Variants in SALL1 observed in about 807,000 individuals in gnomAD.
SALL1 encodes sal-like protein 1.
A neutral mutation model predicts 73.1 loss-of-function variants in SALL1; 10 were observed. The observed-to-expected ratio is 0.14, with a 90% CI of 0.08 to 0.23. The LOEUF (loss-of-function observed/expected upper bound fraction) is 0.23. Ranked by LOEUF, SALL1 falls within the 10% of genes least tolerant of loss-of-function variation. SALL1 has a pLI of 1.00. For missense variants in SALL1, 1,520 were observed against 1,697.3 expected (o/e 0.90, Z 1.84); for synonymous variants, 688 against 689.8 (o/e 1.00, Z 0.04).
At position 51,140,752 on chromosome 16, in the gene SALL1, C is replaced by G. The variant is rs1962409241; in HGVS notation, c.1470G>C (p.Gly490=). The G allele has an allele frequency of 3.1e-6, 5 of 1,614,168 alleles. No individual in the cohort carries two copies. The highest frequency in any genetic ancestry group is 3.4e-6 in the Non-Finnish European group (4 of 1,180,042). ...NICGNRFSTK[G]NLKVHFQRHK... is the part of the protein sequence containing the mutation. ...GGCGCTGAAAGTGGACTTTCAGATT[C>G]CCCTTGGTGGAGAACCTGTTCCCGC... Residue 490 remains glycine (G), a synonymous_variant, in exon 2 of 3, where the codon GGG becomes GGC. Transcript: ENST00000251020. This position sits in a 1 kb window ranked among gnomAD's most constrained non-coding sequence, Gnocchi z 5.7.
chr16:51,146,806 C>A (rs1467925402), intron 1 of SALL1, among the ~76,000 whole-genome samples: 1 of 152,076 alleles, frequency 6.6e-6, no homozygotes, highest in African/African-American at 2.4e-5. Context: ...GGCACATAAA[C>A]TTTTTTCTTT....
At chr16:51,142,750 A>G (rs1457785692) in intron 1 of SALL1, among the ~76,000 whole-genome samples, 2 of 152,220 alleles carry the variant, frequency 1.3e-5, no homozygotes, top group African/African-American at 2.4e-5. Context: ...CATCAGTAAC[A>G]AATCCTCCAG....
chr16:51,138,286 G>A (rs1962347953), intron 2 of SALL1, among the ~76,000 whole-genome samples: 3 of 152,124 alleles, frequency 2.0e-5, no homozygotes, highest in Admixed American at 1.3e-4. Context: ...TACATACGCC[G>A]AGAACCCTAA....
chr16:51,137,047 G>T lies in SALL1; in HGVS notation c.*65C>A. Reference sequence around the variant, plus strand: ...GGCGGGGCGGGGTGGGGGGCAAGGAGTAGGAGGCCACCATAGGTCGCATTC... The same window carrying T: ...GGCGGGGCGGGGTGGGGGGCAAGGATTAGGAGGCCACCATAGGTCGCATTC... On this transcript the variant is annotated 3_prime_UTR_variant, in exon 3 of 3. Transcript: ENST00000251020. 1.3e-6 allele frequency: 2 copies of T among 1,501,910 alleles called. No homozygotes were observed. The highest frequency in any genetic ancestry group is 9.2e-7 in the Non-Finnish European group (1 of 1,086,068). 93.0% of individuals were successfully genotyped at this position (1,501,910 alleles called of 1,614,324 possible). A position where few individuals can be genotyped will look rare whatever the true frequency, so the allele number is the denominator to read the frequency against.
At chr16:51,143,350 G>A in intron 1 of SALL1, 1 of 429,504 alleles carries the variant, frequency 2.3e-6, no homozygotes, top group Non-Finnish European at 4.7e-6. Flanking sequence ...CCCATTGTTT[G>A]CCCAGCATGG....
Position 51,140,453 on chromosome 16 carries a change from G to A in SALL1, c.1769C>T (p.Ser590Leu). The change falls in exon 2 of 3, where the codon TCA (serine) becomes TTA (leucine). Residue 590 changes from serine (S) to leucine (L), a missense_variant. Around this residue, in one of 7 missense-constraint regions of SALL1, gnomAD observed 276 missense variants for 259.1 expected, o/e 1.07. Coordinates refer to ENST00000251020, the MANE Select transcript of SALL1 (RefSeq NM_002968.3). This position sits in a 1 kb window ranked among gnomAD's most constrained non-coding sequence, Gnocchi z 5.7. The stretch of plus-strand genomic sequence containing the variant: ...AGGGCCCCCGGAGTCACTTTTGACT[G>A]AGCCTGGGGGGCTGGTGGCAGAATG... The part of the protein sequence containing the change: ...ISHSATSPPG[S>L]VKSDSGGPES... 1 of 1,613,816 alleles carries A rather than the reference G, an allele frequency of 6.2e-7. No individual in the cohort carries two copies. Among genetic ancestry groups the A allele is most frequent in the Non-Finnish European group, 8.5e-7 (1 of 1,179,796 alleles).
upstream of SALL1, chr16:51,151,339 C>T (rs957071393): frequency 1.5e-5 from 12 of 824,532 alleles, no homozygotes; most frequent in African/African-American, 1.8e-5. Context: ...GGCGGCTCCC[C>T]CCGCCCGCCG....
rs760757150 is a variant in SALL1, at chr16:51,140,192, C to G, written c.2030G>C (p.Gly677Ala). Reference sequence around the variant, plus strand: ...TGCCTGAGCTGAGTCCAGGAGTCCCCCAAAAGGAAACTTGGCCTTGAACTG... The same window carrying G: ...TGCCTGAGCTGAGTCCAGGAGTCCCGCAAAAGGAAACTTGGCCTTGAACTG... ...SEQFKAKFPFGGLLDSAQASE... is the reference protein window; with the variant it reads ...SEQFKAKFPFAGLLDSAQASE... The change falls in exon 2 of 3, where the codon GGG (glycine) becomes GCG (alanine). Residue 677 changes from glycine to alanine, a missense_variant. Coordinates refer to ENST00000251020, the MANE Select transcript of SALL1 (RefSeq NM_002968.3). This position sits in a 1 kb window ranked among gnomAD's most constrained non-coding sequence, Gnocchi z 5.7. 12 of 1,613,984 alleles carry G rather than the reference C, an allele frequency of 7.4e-6. No homozygotes were observed. The Admixed American group carries it at 1.7e-4, about 22-fold the overall frequency.
chr16:51,149,403 AAAGAT>A (rs2143473673), intron 1 of SALL1: 1 of 152,314 alleles, frequency 6.6e-6, no homozygotes, highest in South Asian at 2.1e-4. Flanking sequence ...AAACTTTAGG[AAAGAT>A]GAGTGTGACT....
In SALL1 at chr16:51,136,086, T is replaced by A. The variant is rs968786478; in HGVS notation, c.*1026A>T. ...AATGTTAAAGAAATTGGACCCCCCC[T>A]TTCCTTTCAACTTTCCAAGAAAGTG... On this transcript the variant is annotated 3_prime_UTR_variant, in exon 3 of 3. Transcript: ENST00000251020. 3 of 152,658 alleles carry A rather than the reference T, an allele frequency of 2.0e-5. No individual in the cohort carries two copies. The highest frequency in any genetic ancestry group is 7.2e-5 in the African/African-American group (3 of 41,462). 9.5% of individuals were successfully genotyped at this position (152,658 alleles called of 1,614,324 possible).
chr16:51,137,327 C>T lies in SALL1; in HGVS notation c.3760G>A (p.Val1254Ile), dbSNP rs755542004. The T allele has an allele frequency of 8.7e-6, 14 of 1,613,966 alleles. No individual in the cohort carries two copies. Among genetic ancestry groups the T allele is most frequent in the Admixed American group, 1.7e-5 (1 of 59,992 alleles). Residue 1254 changes from valine to isoleucine, a missense_variant, in exon 3 of 3, where the codon GTC (valine) becomes ATC (isoleucine). By Grantham distance (29) the Val-to-Ile change is conservative. This residue lies in a region of SALL1 where 318 missense variants were observed against 357.1 expected (regional missense o/e 0.89). Transcript: ENST00000251020. Reference sequence around the variant, plus strand: ...GGAGGGATGCCACCGTTCTGAATGACGGAGATCTCGTTGGCCTTCATCGCC... The same window carrying T: ...GGAGGGATGCCACCGTTCTGAATGATGGAGATCTCGTTGGCCTTCATCGCC... ...GLAMKANEIS[V>I]IQNGGIPPIP...
intron 1 of SALL1, among the ~76,000 whole-genome samples, chr16:51,150,005 C>T (rs1962573208): frequency 6.6e-6 from 1 of 152,114 alleles, no homozygotes. Flanking sequence ...AGCATCGTGC[C>T]GGGACGACCC....
chr16:51,148,392 C>A (rs1453114835), intron 1 of SALL1, among the ~76,000 whole-genome samples: 1 of 152,172 alleles, frequency 6.6e-6, no homozygotes, highest in African/African-American at 2.4e-5. Context: ...ATGAGAAGTG[C>A]ATGAACTAGA....
Position 51,139,357 on chromosome 16 carries a change from C to G in SALL1, c.2865G>C (p.Glu955Asp). ...GGGTGGGAGACAAACCATTGGCAAA[C>G]TCGCTTGGGACCGCTCTCTGTGGTT... ...EEKPQRAVPS[E>D]FANGLSPTPV... The change falls in exon 2 of 3, where the codon GAG (glutamate) becomes GAC (aspartate). Residue 955 changes from glutamate (E) to aspartate (D), a missense_variant. By Grantham distance (45) the Glu-to-Asp change is conservative. Around this residue, in one of 7 missense-constraint regions of SALL1, gnomAD observed 266 missense variants for 275.1 expected, o/e 0.97. Transcript: ENST00000251020. 6.2e-7 allele frequency: 1 copy of G among 1,614,156 alleles called. No homozygotes were observed. The highest frequency in any genetic ancestry group is 1.1e-5 in the South Asian group (1 of 91,078).
chr16:51,151,029 G>A, intron 1 of SALL1, 137 bp downstream of exon 1: 3 of 478,524 alleles, frequency 6.3e-6, no homozygotes, highest in Non-Finnish European at 1.1e-5. Context: ...AAAAAATTAC[G>A]CCGAGTGGAA....
chr16:51,141,832 C>G lies in SALL1; in HGVS notation c.390G>C (p.Pro130=), dbSNP rs75156807. ...DREESMEVEA[P]VANKSGSGTS... The stretch of plus-strand genomic sequence containing the variant: ...TGCCGCTGCCGCTTTTGTTAGCAAC[C>G]GGGGCCTCCACCTCCATGGACTCTT... The change falls in exon 2 of 3, where the codon CCG becomes CCC. Residue 130 remains proline, a synonymous_variant. Transcript: ENST00000251020. The surrounding 1 kb of genome is among the most constrained non-coding windows in gnomAD (Gnocchi z 5.4). 6.8e-6 allele frequency: 11 copies of G among 1,613,694 alleles called. No homozygotes were observed. Among genetic ancestry groups the G allele is most frequent in the Non-Finnish European group, 9.3e-6 (11 of 1,180,012 alleles).
intron 1 of SALL1, chr16:51,150,466 C>T: frequency 9.1e-6 from 9 of 985,608 alleles, no homozygotes; most frequent in Non-Finnish European, 1.1e-5. Flanking sequence ...CGACACTTTC[C>T]CCGTCCGTTT....
At chr16:51,152,186 C>T (rs1276271376), upstream of SALL1, 1 of 152,092 alleles carries the variant, frequency 6.6e-6, no homozygotes, top group Non-Finnish European at 1.5e-5. Context: ...GTTTGGGAAC[C>T]TGATGGGTTT....
Position 51,140,662 on chromosome 16 carries a change from G to T in SALL1, c.1560C>A (p.Ile520=), listed in dbSNP as rs770884972. The T allele has an allele frequency of 6.2e-7, 1 of 1,614,186 alleles. No homozygotes were observed. Among genetic ancestry groups the T allele is most frequent in the Non-Finnish European group, 8.5e-7 (1 of 1,180,034 alleles). ...CATATGGGATGCCAGTACTCGTGGG[G>T]ATATTGTCCAAATGCTCAGGCACAG... ...PYPVPEHLDN[I]PTSTGIPYGM... The change falls in exon 2 of 3, where the codon ATC becomes ATA. Residue 520 remains isoleucine, a synonymous_variant. Transcript: ENST00000251020. This position sits in a 1 kb window ranked among gnomAD's most constrained non-coding sequence, Gnocchi z 5.7.
Sources: allele counts gnomAD v4.1 joint callset (sites outside exome capture counted in the v4.1 genomes callset), GRCh38; gene constraint gnomAD v4.1.1; regional missense constraint gnomAD v4.1.1; non-coding constraint Gnocchi (gnomAD v3.1); transcripts MANE v1.5; gene names NCBI Gene and HGNC (gene_info 2026-07-23, HGNC 2026-07-21).